The following CHN2 variants were observed in gnomAD, a reference collection of about 807,000 sequenced individuals.
The protein encoded by CHN2 is chimerin 2.
Under a neutral mutation model 56.3 loss-of-function variants are expected in CHN2, and 35 were observed. The observed-to-expected ratio is 0.62, with a 90% CI of 0.47 to 0.82. CHN2 has a LOEUF of 0.82. CHN2 is among the 40% of genes least tolerant of loss of function. The pLI, the probability that CHN2 is intolerant of heterozygous loss-of-function variation, is 0.00. For missense variants in CHN2, 491 were observed against 580.5 expected (o/e 0.85, Z 1.58); for synonymous variants, 210 against 212.8 (o/e 0.99, Z 0.12).
intron 2 of CHN2, among the ~76,000 whole-genome samples, chr7:29,158,739 T>G (rs377157077): frequency 2.0e-5 from 3 of 152,320 alleles, no homozygotes; most frequent in East Asian, 3.9e-4. Context: ...TTGCTTGTTC[T>G]TTTTGGACTG....
chr7:29,506,411 G>C (rs770294980), intron 10 of CHN2, among the ~76,000 whole-genome samples: 114 of 152,180 alleles, frequency 7.5e-4, no homozygotes, highest in Non-Finnish European at 1.4e-3. Flanking sequence ...GCTGAGACAG[G>C]TGGATCACTT....
chr7:29,511,835 A>ATAGAT (rs1562681833), intron 12 of CHN2, among the ~76,000 whole-genome samples: 1 of 152,114 alleles, frequency 6.6e-6, no homozygotes, highest in African/African-American at 2.4e-5. Flanking sequence ...TGGGAGATAG[A>ATAGAT]TAGATTGTAA....
intron 6 of CHN2, among the ~76,000 whole-genome samples, chr7:29,412,425 G>A (rs1168907719): frequency 1.5e-5 from 2 of 135,018 alleles, no homozygotes; most frequent in African/African-American, 2.8e-5. Flanking sequence ...TTCATCTCCC[G>A]GGTTCAAGTG....
intron 1 of CHN2, among the ~76,000 whole-genome samples, chr7:29,299,510 G>C (rs1032913318): frequency 1.3e-5 from 2 of 152,114 alleles, no homozygotes; most frequent in African/African-American, 4.8e-5. Context: ...CACCGCCTCT[G>C]CTGCTTGCTA....
intron 4 of CHN2, among the ~76,000 whole-genome samples, chr7:29,395,027 G>T (rs1041231117): frequency 1.3e-5 from 2 of 152,096 alleles, no homozygotes; most frequent in African/African-American, 4.8e-5. Context: ...AAAATGAAGG[G>T]TGTTTTTTTC....
intron 1 of CHN2, among the ~76,000 whole-genome samples, chr7:29,268,185 C>T (rs1270605257): frequency 6.6e-6 from 1 of 151,764 alleles, no homozygotes; most frequent in Non-Finnish European, 1.5e-5. Context: ...TAAAAAATGT[C>T]ATCCATTTTT....
intron 1 of CHN2, among the ~76,000 whole-genome samples, chr7:29,216,851 G>T (rs1032211588): frequency 2.6e-5 from 4 of 152,232 alleles, no homozygotes; most frequent in Non-Finnish European, 4.4e-5. Context: ...TGTTTGCATT[G>T]TTGGATGGAT....
intron 1 of CHN2, among the ~76,000 whole-genome samples, chr7:29,240,466 G>C (rs889015547): frequency 6.6e-6 from 1 of 152,232 alleles, no homozygotes; most frequent in African/African-American, 2.4e-5. Flanking sequence ...CTGAATGACA[G>C]TCTGAGGCAG....
chr7:29,454,214 G>A (rs1784594970), intron 6 of CHN2, among the ~76,000 whole-genome samples: 1 of 144,932 alleles, frequency 6.9e-6, no homozygotes, highest in Non-Finnish European at 1.5e-5. Flanking sequence ...AGAAGGGCAT[G>A]CTAGGTACAG....
intron 2 of CHN2, among the ~76,000 whole-genome samples, chr7:29,164,501 T>G (rs1795632908): frequency 6.6e-6 from 1 of 152,032 alleles, no homozygotes; most frequent in Non-Finnish European, 1.5e-5. Context: ...GTGTTCAATT[T>G]TGGCCAGGCA....
At chr7:29,238,530 C>T (rs535800772) in intron 1 of CHN2, among the ~76,000 whole-genome samples, 27 of 151,570 alleles carry the variant, frequency 1.8e-4, no homozygotes, top group Admixed American at 3.9e-4. Context: ...TTCTAGGCAC[C>T]GAGGGTATGG....
At chr7:29,213,535 A>G (rs1785118070) in intron 1 of CHN2, among the ~76,000 whole-genome samples, 2 of 152,240 alleles carry the variant, frequency 1.3e-5, no homozygotes, top group Admixed American at 1.3e-4. Flanking sequence ...AGGGTTTAGA[A>G]TCTAACCTCA....
At chr7:29,164,789 A>AAC (rs1554350983) in intron 2 of CHN2, among the ~76,000 whole-genome samples, 3 of 151,624 alleles carry the variant, frequency 2.0e-5, no homozygotes, top group African/African-American at 7.3e-5. Flanking sequence ...CAAAAAAAAA[A>AAC]AAAAAAAAAA....
chr7:29,424,100 G>A (rs1251850765), intron 6 of CHN2, among the ~76,000 whole-genome samples: 3 of 152,186 alleles, frequency 2.0e-5, no homozygotes, highest in Non-Finnish European at 4.4e-5. Context: ...TAGCACTGAA[G>A]TATTATTCAA....
chr7:29,362,138 C>A (rs147250999), intron 2 of CHN2, among the ~76,000 whole-genome samples: 63 of 152,254 alleles, frequency 4.1e-4, no homozygotes, highest in Non-Finnish European at 6.6e-4. Flanking sequence ...TTTATAACTC[C>A]TAGGAGTTTC....
At chr7:29,263,884 G>C (rs1435483321) in intron 1 of CHN2, among the ~76,000 whole-genome samples, 6 of 151,764 alleles carry the variant, frequency 4.0e-5, no homozygotes. Flanking sequence ...CCCCATCTGG[G>C]AAGTGAGGAG....
intron 1 of CHN2, chr7:29,199,800 T>C (rs1283069577): frequency 6.6e-6 from 1 of 152,220 alleles, no homozygotes; most frequent in Non-Finnish European, 1.5e-5. Context: ...ATTTGTGAAC[T>C]TGTGCTGAAA....
intron 1 of CHN2, among the ~76,000 whole-genome samples, chr7:29,354,145 C>A (rs1001845128): frequency 7.2e-5 from 11 of 152,174 alleles, no homozygotes; most frequent in African/African-American, 2.7e-4. Flanking sequence ...GCTGTCAGAT[C>A]GAGTATTTTA....
intron 2 of CHN2, chr7:29,184,599 T>G (rs1584624445): frequency 6.6e-6 from 1 of 152,164 alleles, no homozygotes; most frequent in African/African-American, 2.4e-5. Context: ...TCACAAGAGT[T>G]TTCTCTTACT....
Sources: allele counts gnomAD v4.1 joint callset (sites outside exome capture counted in the v4.1 genomes callset), GRCh38; gene constraint gnomAD v4.1.1; transcripts MANE v1.5; gene names NCBI Gene and HGNC (gene_info 2026-07-23, HGNC 2026-07-21).